Variants in KAZN observed in about 807,000 individuals in gnomAD.
KAZN encodes the protein kazrin, periplakin interacting protein.
Under a neutral mutation model 87.4 loss-of-function variants are expected in KAZN, and 40 were observed. The ratio of observed to expected loss-of-function variants is 0.46; its 90% CI spans 0.36 to 0.60. KAZN has a LOEUF of 0.60. Ranked by LOEUF, KAZN falls within the 20% of genes least tolerant of loss-of-function variation. The pLI is 0.00. For synonymous variants in KAZN, 466 were observed against 458.3 expected, an observed-to-expected ratio of 1.02 and a Z score of -0.22; for missense variants, 898 against 1,073.9, an observed-to-expected ratio of 0.84 and a Z score of 2.29.
chr1:14,775,391 G>C (rs1020287933), intron 1 of KAZN, among the ~76,000 whole-genome samples: 1 of 152,218 alleles, frequency 6.6e-6, no homozygotes, highest in Admixed American at 6.5e-5. Context: ...AATAAATGCT[G>C]TTCCTTCGTC....
intron 2 of KAZN, among the ~76,000 whole-genome samples, chr1:14,233,437 G>A (rs925057874): frequency 6.6e-6 from 1 of 152,156 alleles, no homozygotes; most frequent in Admixed American, 6.5e-5. Flanking sequence ...ACTCAGCTTA[G>A]TTGCTAAATT....
intron 2 of KAZN, among the ~76,000 whole-genome samples, chr1:14,502,986 A>T (rs372798514): frequency 3.2e-4 from 49 of 152,116 alleles, no homozygotes; most frequent in African/African-American, 1.2e-3. Flanking sequence ...TTCTTCTTGG[A>T]TCTGCTTTCA....
intron 1 of KAZN, among the ~76,000 whole-genome samples, chr1:13,905,456 A>C (rs959453281): frequency 6.6e-6 from 1 of 152,208 alleles, no homozygotes; most frequent in Non-Finnish European, 1.5e-5. Flanking sequence ...GTATTAAGGG[A>C]GATCACTCTC....
At chr1:14,272,397 T>C (rs1006797576) in intron 2 of KAZN, among the ~76,000 whole-genome samples, 2 of 152,210 alleles carry the variant, frequency 1.3e-5, no homozygotes, top group African/African-American at 4.8e-5. Context: ...TGTCATATCC[T>C]TTGAGGACTA....
At chr1:14,075,060 GA>G (rs1002545377) in intron 1 of KAZN, among the ~76,000 whole-genome samples, 1 of 151,726 alleles carries the variant, frequency 6.6e-6, no homozygotes, top group African/African-American at 2.4e-5. Flanking sequence ...GTCACTGAAG[GA>G]AAAAAAAGAT....
chr1:14,089,480 G>T (rs77576771), intron 1 of KAZN, among the ~76,000 whole-genome samples: 6,231 of 151,972 alleles, frequency 0.041, 184 homozygotes, highest in Non-Finnish European at 0.06. Flanking sequence ...CTATTCTGGG[G>T]TTTAAAATAT....
intron 2 of KAZN, among the ~76,000 whole-genome samples, chr1:14,573,181 A>G (rs1674974526): frequency 6.6e-6 from 1 of 152,158 alleles, no homozygotes; most frequent in African/African-American, 2.4e-5. Flanking sequence ...AGTGCTTCCC[A>G]CACTCTTCCT....
intron 2 of KAZN, among the ~76,000 whole-genome samples, chr1:14,213,461 T>A (rs1425442200): frequency 6.6e-6 from 1 of 152,008 alleles, no homozygotes; most frequent in Non-Finnish European, 1.5e-5. Flanking sequence ...TTCATGGAGA[T>A]GTATAGGGGA....
intron 1 of KAZN, among the ~76,000 whole-genome samples, chr1:14,784,332 A>G (rs1403269932): frequency 6.6e-6 from 1 of 152,214 alleles, no homozygotes; most frequent in East Asian, 1.9e-4. Flanking sequence ...TGGTTGAATA[A>G]CTGGAGACTA....
intron 2 of KAZN, among the ~76,000 whole-genome samples, chr1:14,320,705 CA>C (rs1195297833): frequency 1.9e-4 from 29 of 152,296 alleles, no homozygotes; most frequent in African/African-American, 6.3e-4. Flanking sequence ...CATTTAAATA[CA>C]GTGACTTTTT....
At chr1:14,717,075 C>T (rs1431361226) in intron 1 of KAZN, among the ~76,000 whole-genome samples, 3 of 150,102 alleles carry the variant, frequency 2.0e-5, no homozygotes, top group Non-Finnish European at 4.4e-5. Flanking sequence ...GACACCTGGC[C>T]AGATGTGAGC....
intron 8 of KAZN, among the ~76,000 whole-genome samples, chr1:15,088,974 C>T (rs866631729): frequency 6.6e-6 from 1 of 152,038 alleles, no homozygotes; most frequent in Admixed American, 6.5e-5. Context: ...CCCACACACA[C>T]TCACAAAGAC....
intron 2 of KAZN, among the ~76,000 whole-genome samples, chr1:15,000,101 G>A (rs1291216990): frequency 3.3e-5 from 5 of 152,152 alleles, no homozygotes. Context: ...TAATCGTGGG[G>A]TACTTATAGA....
chr1:14,134,034 C>T (rs1645053053), intron 1 of KAZN, among the ~76,000 whole-genome samples: 1 of 152,186 alleles, frequency 6.6e-6, no homozygotes, highest in Admixed American at 6.5e-5. Flanking sequence ...AGACATTTAA[C>T]AGATTGTATC....
At chr1:14,989,725 T>C (rs977007064) in intron 2 of KAZN, among the ~76,000 whole-genome samples, 6 of 152,184 alleles carry the variant, frequency 3.9e-5, no homozygotes. Context: ...ATGTGTGAAG[T>C]GCTCGGGATG....
chr1:14,041,320 T>A (rs1277493588), intron 1 of KAZN, among the ~76,000 whole-genome samples: 1 of 152,228 alleles, frequency 6.6e-6, no homozygotes, highest in African/African-American at 2.4e-5. Flanking sequence ...ATGCAGATAT[T>A]GTTTACTTCT....
chr1:14,511,049 A>G (rs1461637707), intron 2 of KAZN, among the ~76,000 whole-genome samples: 1 of 151,430 alleles, frequency 6.6e-6, no homozygotes, highest in East Asian at 1.9e-4. Context: ...ACCTTCACCA[A>G]TACTGTACAA....
In KAZN at chr1:14,599,010, A is replaced by C; in HGVS notation, c.13A>C (p.Asn5His). The change falls in exon 1 of 15, where the codon AAT becomes CAT. Residue 5 changes from asparagine (N) to histidine (H), a missense_variant. Around this residue, in one of 3 missense-constraint regions of KAZN, gnomAD observed 250 missense variants for 263.0 expected, o/e 0.95. Coordinates refer to ENST00000376030, the MANE Select transcript of KAZN (RefSeq NM_201628.3). The surrounding 1 kb of genome is among the most constrained non-coding windows in gnomAD (Gnocchi z 4.4). MMED[N>H]KQLALRIDGA... Reference sequence around the variant, plus strand: ...CAAAATCCTGAGCATGATGGAAGACAATAAGCAGCTCGCGCTCCGCATCGA... The same window carrying C: ...CAAAATCCTGAGCATGATGGAAGACCATAAGCAGCTCGCGCTCCGCATCGA... 6.4e-7 allele frequency: 1 copy of C among 1,571,316 alleles called. No individual in the cohort carries two copies. The highest frequency in any genetic ancestry group is 1.4e-5 in the African/African-American group (1 of 70,896).
chr1:14,405,101 A>C (rs1663723198), intron 2 of KAZN, among the ~76,000 whole-genome samples: 1 of 152,198 alleles, frequency 6.6e-6, no homozygotes, highest in East Asian at 1.9e-4. Context: ...CCTCCTGAAT[A>C]CATATACAAA....
Sources: allele counts gnomAD v4.1 joint callset (sites outside exome capture counted in the v4.1 genomes callset), GRCh38; gene constraint gnomAD v4.1.1; regional missense constraint gnomAD v4.1.1; non-coding constraint Gnocchi (gnomAD v3.1); transcripts MANE v1.5; gene names NCBI Gene and HGNC (gene_info 2026-07-23, HGNC 2026-07-21).